Variants in GPC5 observed in about 807,000 individuals in gnomAD.
GPC5 encodes the protein glypican 5, also known as glypican-5.
In GPC5, 47 loss-of-function variants were observed where a neutral mutation model predicts 53.9. The ratio of observed to expected loss-of-function variants is 0.87; its 90% confidence interval spans 0.69 to 1.11. The LOEUF (loss-of-function observed/expected upper bound fraction) is 1.11. Ranked by LOEUF, GPC5 falls within the 50% of genes most tolerant of loss-of-function variation. The pLI is 0.00. For synonymous variants in GPC5, 286 were observed against 263.3 expected, an observed-to-expected ratio of 1.09 and a Z score of -0.84; for missense variants, 748 against 713.1, an observed-to-expected ratio of 1.05 and a Z score of -0.56.
intron 7 of GPC5, among the ~76,000 whole-genome samples, chr13:92,377,101 T>G (rs1241270496): frequency 6.6e-6 from 1 of 152,200 alleles, no homozygotes; most frequent in African/African-American, 2.4e-5. Flanking sequence ...AAACCTTAGT[T>G]CCTGAATCAA....
chr13:91,543,136 G>A (rs1302052886), intron 2 of GPC5, among the ~76,000 whole-genome samples: 1 of 152,004 alleles, frequency 6.6e-6, no homozygotes, highest in East Asian at 1.9e-4. Flanking sequence ...GATTACAGGC[G>A]TGAGCCACCG....
chr13:92,701,607 T>C (rs1360044406), intron 7 of GPC5: 1 of 152,062 alleles, frequency 6.6e-6, no homozygotes, highest in Non-Finnish European at 1.5e-5. Flanking sequence ...TGATTAGACA[T>C]AAGAGCTATT....
At chr13:91,926,836 G>T (rs1274179113) in intron 6 of GPC5, among the ~76,000 whole-genome samples, 1 of 152,130 alleles carries the variant, frequency 6.6e-6, no homozygotes, top group Non-Finnish European at 1.5e-5. Flanking sequence ...ATGAGGCTTT[G>T]CATGGACACA....
intron 7 of GPC5, among the ~76,000 whole-genome samples, chr13:92,256,394 C>A (rs1438867932): frequency 2.0e-5 from 3 of 151,868 alleles, no homozygotes; most frequent in Non-Finnish European, 4.4e-5. Context: ...GGTTAAATTA[C>A]ATAGCCAAAT....
intron 5 of GPC5, among the ~76,000 whole-genome samples, chr13:91,782,512 G>T (rs1047068762): frequency 1.1e-4 from 17 of 152,010 alleles, no homozygotes; most frequent in African/African-American, 3.6e-4. Flanking sequence ...GATCCCATGA[G>T]AACTCACTCA....
Position 91,436,084 on chromosome 13 carries a change from T to C in GPC5, c.164-12677T>C, listed in dbSNP as rs1797726468. 2.0e-5 allele frequency among the ~76,000 whole-genome samples: 3 copies of C among 152,234 alleles called. No homozygotes were observed. The South Asian group carries it at 6.2e-4, about 31-fold the overall frequency. On this transcript the variant is annotated intron_variant, in intron 1 of 7. Coordinates refer to ENST00000377067, the MANE Select transcript of GPC5 (RefSeq NM_004466.6). ...TGTTAGATTCTTCTGTCTTTTCTTC[T>C]TTATTAGTCTTGCTAGCAGTCTATC... is the stretch of plus-strand genomic sequence containing the variant.
At chr13:91,980,771 C>A (rs1413150572) in intron 6 of GPC5, among the ~76,000 whole-genome samples, 1 of 152,174 alleles carries the variant, frequency 6.6e-6, no homozygotes, top group African/African-American at 2.4e-5. Context: ...ACCAGGATCC[C>A]CTGTCATGTC....
At chr13:91,510,636 T>G (rs1885188012) in intron 2 of GPC5, among the ~76,000 whole-genome samples, 1 of 152,248 alleles carries the variant, frequency 6.6e-6, no homozygotes, top group Non-Finnish European at 1.5e-5. Context: ...TAAACATTTA[T>G]AAAAGTCTTG....
chr13:92,475,656 C>A (rs895534715), intron 7 of GPC5, among the ~76,000 whole-genome samples: 10 of 152,024 alleles, frequency 6.6e-5, no homozygotes, highest in Non-Finnish European at 1.3e-4. Context: ...GCTACAGTAA[C>A]CAAAACAGCA....
intron 6 of GPC5, among the ~76,000 whole-genome samples, chr13:92,045,643 A>C (rs1319551271): frequency 6.6e-6 from 1 of 152,196 alleles, no homozygotes; most frequent in Non-Finnish European, 1.5e-5. Flanking sequence ...TTAAGATGCA[A>C]ATGATTTTAA....
intron 7 of GPC5, among the ~76,000 whole-genome samples, chr13:92,706,522 A>G (rs68103324): frequency 2.6e-5 from 4 of 151,986 alleles, no homozygotes; most frequent in Non-Finnish European, 5.9e-5. Context: ...GCCAGCTCCC[A>G]CAGTTAGATT....
chr13:92,205,410 T>A (rs2042326605), intron 7 of GPC5, among the ~76,000 whole-genome samples: 1 of 152,098 alleles, frequency 6.6e-6, no homozygotes, highest in Admixed American at 6.5e-5. Flanking sequence ...GCTGAGGGGC[T>A]CACCAGGAGT....
chr13:92,227,180 G>T lies in GPC5; in HGVS notation c.1561+82191G>T, dbSNP rs143496830. Among the ~76,000 whole-genome samples, 6 of 152,296 alleles carry T rather than the reference G, an allele frequency of 3.9e-5. No individual in the cohort carries two copies. In the East Asian group the frequency reaches 1.2e-3, roughly 29 times the overall value. ...TCTCTGGACACGGAAATACCAAAGT[G>T]GAGGGTGAAAGTAAATCTACCACTT... On this transcript the variant is annotated intron_variant, in intron 7 of 7. Coordinates refer to ENST00000377067, the MANE Select transcript of GPC5 (RefSeq NM_004466.6).
intron 2 of GPC5, among the ~76,000 whole-genome samples, chr13:91,676,046 A>G (rs538064711): frequency 8.5e-5 from 13 of 152,240 alleles, no homozygotes; most frequent in African/African-American, 2.6e-4. Flanking sequence ...GCCATAGATC[A>G]TGGGAGCCTT....
chr13:91,829,337 T>C (rs951356060), intron 5 of GPC5, among the ~76,000 whole-genome samples: 4 of 152,008 alleles, frequency 2.6e-5, no homozygotes, highest in African/African-American at 4.8e-5. Context: ...TAAAGCAATA[T>C]GACAGTATGG....
At chr13:91,842,425 G>A (rs934880916) in intron 5 of GPC5, among the ~76,000 whole-genome samples, 1 of 135,488 alleles carries the variant, frequency 7.4e-6, no homozygotes, top group Non-Finnish European at 1.6e-5. Flanking sequence ...TTATTTAGCC[G>A]GGCGCGGTGG....
chr13:91,620,637 C>A (rs2033828750), intron 2 of GPC5, among the ~76,000 whole-genome samples: 1 of 152,114 alleles, frequency 6.6e-6, no homozygotes, highest in Non-Finnish European at 1.5e-5. Context: ...CAAAAATATC[C>A]TTCTTTATGG....
chr13:91,874,878 A>T (rs886681315), intron 5 of GPC5, among the ~76,000 whole-genome samples: 15 of 152,086 alleles, frequency 9.9e-5, no homozygotes, highest in Non-Finnish European at 1.8e-4. Context: ...ATTTTGTGCT[A>T]ATTTTCCATA....
chr13:92,386,500 A>C (rs1874732079), intron 7 of GPC5, among the ~76,000 whole-genome samples: 1 of 152,060 alleles, frequency 6.6e-6, no homozygotes, highest in South Asian at 2.1e-4. Flanking sequence ...TGTGAATGGT[A>C]ACTCACAGAT....
Sources: allele counts gnomAD v4.1 joint callset (sites outside exome capture counted in the v4.1 genomes callset), GRCh38; gene constraint gnomAD v4.1.1; transcripts MANE v1.5; gene names NCBI Gene and HGNC (gene_info 2026-07-23, HGNC 2026-07-21).